Variants in ELN observed in about 807,000 individuals in gnomAD.
ELN encodes the protein tropoelastin.
A neutral mutation model predicts 105.8 loss-of-function variants in ELN; 65 were observed. The observed-to-expected ratio is 0.61, with a 90% confidence interval of 0.50 to 0.75. ELN has a LOEUF of 0.75. ELN is among the 30% of genes least tolerant of loss of function. The pLI, the probability that ELN is intolerant of heterozygous loss-of-function variation, is 0.00. For synonymous variants in ELN, 368 were observed against 389.2 expected (o/e 0.95, Z 0.64); for missense variants, 882 against 969.4 (o/e 0.91, Z 1.20).
At chr7:74,067,246 C>T (rs1355060317) in intron 32 of ELN, among the ~76,000 whole-genome samples, 1 of 151,836 alleles carries the variant, frequency 6.6e-6, no homozygotes, top group African/African-American at 2.4e-5. Context: ...CGGTGAAACC[C>T]CGTCTCTACT....
Position 74,052,479 on chromosome 7 carries a change from C to T in ELN, c.949+496C>T, listed in dbSNP as rs189102639. ...ACATGCCTGTGGTCCCAGCCACCTG[C>T]AAGGCTGAGGTGAGAGGATTGCTTG... On this transcript the variant is annotated intron_variant, in intron 17 of 32. Coordinates refer to ENST00000252034, the MANE Select transcript of ELN (RefSeq NM_000501.4). 60 of 202,912 alleles carry T rather than the reference C, an allele frequency of 3.0e-4. 1 individual carries two copies. The East Asian group carries it at 6.6e-3, about 22-fold the overall frequency. The allele number at this position is 202,912 out of a possible 1,614,324, so 12.6% of individuals were successfully genotyped here. A position where few individuals can be genotyped will look rare whatever the true frequency, so the allele number is the denominator to read the frequency against.
At chr7:74,041,127 A>G in intron 4 of ELN, 89 bp from the exon 5 acceptor site, 4 of 1,574,908 alleles carry the variant, frequency 2.5e-6, no homozygotes, top group Non-Finnish European at 3.5e-6. Context: ...TGAGTGGCTG[A>G]TCACAGCACT....
Position 74,056,397 on chromosome 7 carries a change from T to G in ELN, c.1277T>G (p.Val426Gly). The G allele has an allele frequency of 1.9e-6, 3 of 1,613,316 alleles. No homozygotes were observed. The highest frequency in any genetic ancestry group is 2.5e-6 in the Non-Finnish European group (3 of 1,179,538). Reference protein sequence around the residue: ...GVAGVPGVGGVPGVGGVPGVG... With the variant: ...GVAGVPGVGGGPGVGGVPGVG... ...GCAGGTGTCCCTGGTGTCGGAGGTG[T>G]TCCCGGAGTCGGAGGTGTCCCGGGA... The change falls in exon 20 of 33, where the codon GTT (valine) becomes GGT (glycine). Residue 426 changes from valine to glycine, a missense_variant. Val to Gly is a moderately radical substitution (Grantham distance 109). Transcript: ENST00000252034.
chr7:74,042,746 C>T (rs1440097127), intron 6 of ELN, 40 bp downstream of exon 6: 1 of 1,605,940 alleles, frequency 6.2e-7, no homozygotes, highest in Non-Finnish European at 8.5e-7. Context: ...AGCCCTCTGG[C>T]TTCCGTGGGG....
intron 31 of ELN, 77 bp downstream of exon 31, chr7:74,066,074 GA>G: frequency 6.3e-7 from 1 of 1,597,880 alleles, no homozygotes; most frequent in South Asian, 1.1e-5. Context: ...TAGCAGTGGG[GA>G]CTCCCAGAGC....
chr7:74,046,058 C>T, intron 10 of ELN, 130 bp from the exon 11 acceptor site: 1 of 1,285,908 alleles, frequency 7.8e-7, no homozygotes, highest in Non-Finnish European at 1.1e-6. Flanking sequence ...CCCCAGAGTT[C>T]ATGTGAGCGC....
chr7:74,046,149 C>T, intron 10 of ELN, 39 bp from the exon 11 acceptor site: 2 of 1,614,148 alleles, frequency 1.2e-6, no homozygotes, highest in Non-Finnish European at 1.7e-6. Flanking sequence ...CCAGTGTCCA[C>T]AGTTCCAGGG....
intron 1 of ELN, among the ~76,000 whole-genome samples, chr7:74,031,332 C>T (rs1436104912): frequency 1.3e-5 from 2 of 152,186 alleles, no homozygotes; most frequent in Admixed American, 1.3e-4. Flanking sequence ...GGAAAAAAAG[C>T]ATCAAATAAA....
chr7:74,041,355 G>T, intron 5 of ELN, 104 bp downstream of exon 5: 2 of 1,466,750 alleles, frequency 1.4e-6, no homozygotes, highest in South Asian at 1.2e-5. Flanking sequence ...TGCAGGCCAG[G>T]TTCCGTCCTG....
intron 1 of ELN, 49 bp downstream of exon 1, chr7:74,028,318 C>T (rs1787904491): frequency 5.1e-6 from 8 of 1,577,828 alleles, no homozygotes; most frequent in Non-Finnish European, 6.9e-6. Context: ...GCTGCGGGCC[C>T]TTTGGGCCAG....
At position 74,043,104 on chromosome 7, in the gene ELN, C is replaced by T. The variant is rs553445630; in HGVS notation, c.377-14C>T. On this transcript the variant is annotated splice_polypyrimidine_tract_variant and intron_variant, in intron 7 of 32. Transcript: ENST00000252034. The stretch of plus-strand genomic sequence containing the variant: ...TGGGTGGAGCCAACTCTGATGCAGC[C>T]CCTTCTGTGCCAGGTGCGGTGGTTC... 39 of 1,614,024 alleles carry T rather than the reference C, an allele frequency of 2.4e-5. No homozygotes were observed. In the South Asian group the frequency reaches 3.7e-4, roughly 15 times the overall value.
intron 11 of ELN, 140 bp from the exon 12 acceptor site, chr7:74,046,556 G>A (rs1792572777): frequency 1.1e-6 from 1 of 872,208 alleles, no homozygotes; most frequent in African/African-American, 1.6e-5. Context: ...ACCCATGATG[G>A]AGATTCAGGG....
chr7:74,042,521 C>A, intron 5 of ELN, 93 bp from the exon 6 acceptor site: 1 of 1,127,176 alleles, frequency 8.9e-7, no homozygotes, highest in Non-Finnish European at 1.3e-6. Flanking sequence ...CTCCAATGTG[C>A]TTCCTGAGTG....
chr7:74,056,872 A>T (rs1795357003), intron 21 of ELN, among the ~76,000 whole-genome samples, 159 bp downstream of exon 21: 1 of 151,966 alleles, frequency 6.6e-6, no homozygotes, highest in Admixed American at 6.6e-5. Context: ...CTCCACTCTT[A>T]CTGTCCTTTT....
At position 74,053,166 on chromosome 7, in the gene ELN, C is replaced by G. The variant is rs527708696; in HGVS notation, c.953C>G (p.Ala318Gly). 1.2e-6 allele frequency: 2 copies of G among 1,614,170 alleles called. No homozygotes were observed. Among genetic ancestry groups the G allele is most frequent in the South Asian group, 1.1e-5 (1 of 91,076 alleles). Residue 318 changes from alanine to glycine, a missense_variant, in exon 18 of 33, where the codon GCT (alanine) becomes GGT (glycine). By Grantham distance (60) the Ala-to-Gly change is moderately conservative. Transcript: ENST00000252034. ...AAAAKAAKYGAAAGLVPGGPG... is the reference protein window; with the variant it reads ...AAAAKAAKYGGAAGLVPGGPG... ...AACAATGCTTTTTCTTCCACAGGAGCTGCTGCAGGCTTAGTGCCTGGTGGG... is the reference window on the plus strand; with the variant it reads ...AACAATGCTTTTTCTTCCACAGGAGGTGCTGCAGGCTTAGTGCCTGGTGGG...
intron 30 of ELN, 48 bp downstream of exon 30, chr7:74,065,780 C>A: frequency 6.2e-7 from 1 of 1,613,582 alleles, no homozygotes; most frequent in Non-Finnish European, 8.5e-7. Flanking sequence ...CACCCCCTGC[C>A]ATGCCCATCG....
At chr7:74,034,169 A>G (rs55772967) in intron 1 of ELN, among the ~76,000 whole-genome samples, 5,146 of 152,294 alleles carry the variant, frequency 0.034, 140 homozygotes, top group Middle Eastern at 0.068. Context: ...TCGGCTGCCC[A>G]GTGGCTGAGG....
chr7:74,057,795 C>A (rs1554681296), intron 22 of ELN, 99 bp downstream of exon 22: 2 of 1,393,476 alleles, frequency 1.4e-6, no homozygotes, highest in Non-Finnish European at 1.0e-6. Context: ...CCTTTCCACC[C>A]CACTTAAGCT....
chr7:74,035,100 C>T (rs576867529), intron 1 of ELN, among the ~76,000 whole-genome samples: 23 of 152,332 alleles, frequency 1.5e-4, no homozygotes, highest in African/African-American at 5.5e-4. Context: ...GACTCCGTCT[C>T]AGTCTCAAAC....
Sources: gnomAD v4.1 joint callset for allele counts (sites outside exome capture counted in the v4.1 genomes callset) on GRCh38, gnomAD v4.1.1 for gene constraint, MANE v1.5 for transcripts, NCBI Gene and HGNC (gene_info 2026-07-23, HGNC 2026-07-21) for gene names.